Variants in RDH8 observed in about 807,000 individuals in gnomAD.
The protein encoded by RDH8 is photoreceptor outer segment all-trans retinol dehydrogenase.
Under a neutral mutation model 22.3 loss-of-function variants are expected in RDH8, and 14 were observed. The observed-to-expected ratio is 0.63, with a 90% CI of 0.42 to 0.98. The LOEUF (loss-of-function observed/expected upper bound fraction) is 0.98. Ranked by LOEUF, RDH8 falls within the 50% of genes least tolerant of loss-of-function variation. RDH8 has a pLI of 0.00. For missense variants in RDH8, 389 were observed against 409.8 expected (o/e 0.95, Z 0.44); for synonymous variants, 175 against 171.7 (o/e 1.02, Z -0.15).
rs1382784830 is a variant in RDH8, at chr19:10,021,835, T to C, written c.*86T>C. 5.1e-6 allele frequency: 7 copies of C among 1,364,408 alleles called. No homozygotes were observed. The South Asian group carries it at 7.8e-5, about 15-fold the overall frequency. 84.5% of individuals were successfully genotyped at this position (1,364,408 alleles called of 1,614,324 possible). A position where few individuals can be genotyped will look rare whatever the true frequency, so the allele number is the denominator to read the frequency against. On this transcript the variant is annotated 3_prime_UTR_variant, in exon 6 of 6. Transcript: ENST00000591589. ...ATTCAAAGGATGAACAGACTCTTCATTTATTCATTCTGCAAACTCCCCCTC... is the reference window on the plus strand; with the variant it reads ...ATTCAAAGGATGAACAGACTCTTCACTTATTCATTCTGCAAACTCCCCCTC...
intron 1 of RDH8, among the ~76,000 whole-genome samples, chr19:10,015,753 A>G (rs1200069207): frequency 1.3e-5 from 2 of 151,388 alleles, no homozygotes; most frequent in Non-Finnish European, 2.9e-5. Flanking sequence ...GACCAGGCTG[A>G]CCAATATGGT....
At chr19:10,018,554 C>G (rs750297199) in intron 2 of RDH8, among the ~76,000 whole-genome samples, 177 bp from the exon 3 acceptor site, 2 of 152,156 alleles carry the variant, frequency 1.3e-5, no homozygotes, top group Non-Finnish European at 1.5e-5. Context: ...CTGAGGATCC[C>G]CTATGACAAA....
At chr19:10,015,216 C>T (rs2087601824) in intron 1 of RDH8, among the ~76,000 whole-genome samples, 1 of 151,878 alleles carries the variant, frequency 6.6e-6, no homozygotes, top group South Asian at 2.1e-4. Context: ...CTTTGGGAGG[C>T]CTAGGTGGAC....
intron 1 of RDH8, among the ~76,000 whole-genome samples, chr19:10,016,793 T>C (rs1171492372): frequency 2.0e-5 from 3 of 152,174 alleles, no homozygotes; most frequent in Admixed American, 6.5e-5. Context: ...TTTCATGCCA[T>C]AGCCTCAGCA....
intron 3 of RDH8, among the ~76,000 whole-genome samples, chr19:10,019,933 G>C (rs1025032250): frequency 2.6e-5 from 4 of 152,132 alleles, no homozygotes; most frequent in Admixed American, 1.3e-4. Context: ...TTGAGGTCAG[G>C]AGTTGGAGAC....
Position 10,018,767 on chromosome 19 carries a change from AG to A in RDH8, c.303del (p.Leu102SerfsTer28). 2.5e-6 allele frequency: 4 copies of A among 1,612,704 alleles called. No individual in the cohort carries two copies. Among genetic ancestry groups the A allele is most frequent in the Non-Finnish European group, 2.5e-6 (3 of 1,179,080 alleles). ...GGAATGGGCCTGGTGGGGCCCCTGG[AG>A]GGGCTCAGCCTTGCTGCCATGCAGA... is the stretch of plus-strand genomic sequence containing the variant. ...NAGMGLVGPL[E>X]GLSLAAMQNV... On this transcript the variant is annotated frameshift_variant, in exon 3 of 6. Transcript: ENST00000591589. LOFTEE classifies it high-confidence loss of function.
chr19:10,022,144 C>G lies in RDH8; in HGVS notation c.*395C>G, dbSNP rs368635677. On this transcript the variant is annotated 3_prime_UTR_variant, in exon 6 of 6. Coordinates refer to ENST00000591589, the MANE Select transcript of RDH8 (RefSeq NM_015725.4). ...CAGGAATGATTCATAGCCCACCCCC[C>G]ACCTCCATGCATACACCAGAGCTCT... 4.1e-5 allele frequency: 9 copies of G among 221,928 alleles called. No homozygotes were observed. The highest frequency in any genetic ancestry group is 2.3e-4 in the East Asian group (2 of 8,554). 13.7% of individuals were successfully genotyped at this position (221,928 alleles called of 1,614,324 possible). A position where few individuals can be genotyped will look rare whatever the true frequency, so the allele number is the denominator to read the frequency against.
At position 10,018,646 on chromosome 19, in the gene RDH8, G is replaced by A. The variant is rs371822623; in HGVS notation, c.263-85G>A. On this transcript the variant is annotated intron_variant, in intron 2 of 5. Transcript: ENST00000591589. ...TGGACTGGCCTTGGACTTGGAGTAC[G>A]GGGTGAGGTGCTTCAGGGAGTGTCT... is the stretch of plus-strand genomic sequence containing the variant. 444 of 1,104,544 alleles carry A rather than the reference G, an allele frequency of 4.0e-4. 2 individuals carry two copies. Among genetic ancestry groups the A allele is most frequent in the Admixed American group, 6.9e-4 (29 of 42,254 alleles). 68.4% of individuals were successfully genotyped at this position (1,104,544 alleles called of 1,614,324 possible).
chr19:10,016,957 ATCTC>A, intron 1 of RDH8, 96 bp from the exon 2 acceptor site: 1 of 1,303,006 alleles, frequency 7.7e-7, no homozygotes, highest in South Asian at 1.8e-5. Context: ...GTGAGTTTCC[ATCTC>A]TCTGTGACTT....
intron 3 of RDH8, 42 bp downstream of exon 3, chr19:10,018,952 T>C: frequency 6.5e-7 from 1 of 1,527,190 alleles, no homozygotes; most frequent in South Asian, 1.2e-5. Context: ...CACCAGTGTC[T>C]GATCCTCCCC....
intron 3 of RDH8, among the ~76,000 whole-genome samples, 193 bp downstream of exon 3, chr19:10,019,103 C>A (rs907518331): frequency 6.6e-6 from 1 of 152,018 alleles, no homozygotes; most frequent in Non-Finnish European, 1.5e-5. Context: ...TTGAGACCAG[C>A]CTGGGCAACA....
At chr19:10,016,607 G>A (rs1281390351) in intron 1 of RDH8, among the ~76,000 whole-genome samples, 1 of 151,832 alleles carries the variant, frequency 6.6e-6, no homozygotes, top group Non-Finnish European at 1.5e-5. Context: ...ACTACAGGTG[G>A]GGGCCACCCA....
rs537497375 is a variant in RDH8, at chr19:10,013,586, A to G, written c.89A>G (p.Lys30Arg). The change falls in exon 1 of 6, where the codon AAG becomes AGG. Residue 30 changes from lysine (K) to arginine (R), a missense_variant. Coordinates refer to ENST00000591589, the MANE Select transcript of RDH8 (RefSeq NM_015725.4). ...ELAVQLAHDPKKRYQVVATMR... is the reference protein window; with the variant it reads ...ELAVQLAHDPRKRYQVVATMR... ...GCAGTGCAACTGGCCCATGACCCCA[A>G]GAAGCGCTACCAGGGTAAGAAGTGC... 15 of 1,613,872 alleles carry G rather than the reference A, an allele frequency of 9.3e-6. No homozygotes were observed. Among genetic ancestry groups the G allele is most frequent in the African/African-American group, 8.0e-5 (6 of 74,898 alleles).
intron 2 of RDH8, 123 bp downstream of exon 2, chr19:10,017,338 G>T: frequency 8.4e-6 from 9 of 1,077,604 alleles, no homozygotes; most frequent in Non-Finnish European, 9.9e-6. Context: ...TGGGCAGAAG[G>T]GGTAGACCAG....
chr19:10,021,901 C>A lies in RDH8; in HGVS notation c.*152C>A, dbSNP rs1428527801. 1 of 826,202 alleles carries A rather than the reference C, an allele frequency of 1.2e-6. No homozygotes were observed. The highest frequency in any genetic ancestry group is 1.9e-6 in the Non-Finnish European group (1 of 537,452). 51.2% of individuals were successfully genotyped at this position (826,202 alleles called of 1,614,324 possible). A position where few individuals can be genotyped will look rare whatever the true frequency, so the allele number is the denominator to read the frequency against. The stretch of plus-strand genomic sequence containing the variant: ...AGACATGGCTAGAATCCCAGAAGGG[C>A]CTTTATTTTCAGGCATAGACTCCTC... On this transcript the variant is annotated 3_prime_UTR_variant, in exon 6 of 6. Coordinates refer to ENST00000591589, the MANE Select transcript of RDH8 (RefSeq NM_015725.4).
At position 10,021,574 on chromosome 19, in the gene RDH8, G is replaced by A. The variant is rs1375636719; in HGVS notation, c.761G>A (p.Arg254His). 6.2e-7 allele frequency: 1 copy of A among 1,614,074 alleles called. No homozygotes were observed. The highest frequency in any genetic ancestry group is 1.6e-4 in the Middle Eastern group (1 of 6,062). Residue 254 changes from arginine (R) to histidine (H), a missense_variant, in exon 6 of 6, where the codon CGC becomes CAC. Coordinates refer to ENST00000591589, the MANE Select transcript of RDH8 (RefSeq NM_015725.4). The stretch of plus-strand genomic sequence containing the variant: ...ATCAGCTCGACTCGACCACCCCTGC[G>A]CCGACAGACCAACATCCGCTACTCG... ...NVISSTRPPL[R>H]RQTNIRYSPL...
rs77833898 is a variant in RDH8, at chr19:10,021,324, G to A, written c.606G>A (p.Met202Ile). The change falls in exon 5 of 6, where the codon ATG (methionine) becomes ATA (isoleucine). Residue 202 changes from methionine (M) to isoleucine (I), a missense_variant. Coordinates refer to ENST00000591589, the MANE Select transcript of RDH8 (RefSeq NM_015725.4). ...GGAAGCTTCTGGCGCAGGTTTCTAT[G>A]GCTGAGTTCCCAGGCACTGACCCTG... ...FEGKLLAQVS[M>I]AEFPGTDPET... is the part of the protein sequence containing the mutation. The A allele has an allele frequency of 0.11, 179,501 of 1,613,842 alleles. 10,652 individuals are homozygous for A. The highest frequency in any genetic ancestry group is 0.16 in the Middle Eastern group (966 of 6,062).
chr19:10,020,630 C>T lies in RDH8; in HGVS notation c.443-79C>T, dbSNP rs150904736. The T allele has an allele frequency of 1.2e-3, 1,066 of 856,706 alleles. 8 individuals are homozygous for T. In the African/African-American group the frequency reaches 0.016, roughly 13 times the overall value. 53.1% of individuals were successfully genotyped at this position (856,706 alleles called of 1,614,324 possible). Reference sequence around the variant, plus strand: ...CCCACATCCTCTTTGCTCTGTCTCCCAAAGACCCCATCACCCTGGAACCCA... The same window carrying T: ...CCCACATCCTCTTTGCTCTGTCTCCTAAAGACCCCATCACCCTGGAACCCA... On this transcript the variant is annotated intron_variant, in intron 3 of 5. Transcript: ENST00000591589.
At chr19:10,015,346 G>A (rs746900420) in intron 1 of RDH8, among the ~76,000 whole-genome samples, 8 of 151,902 alleles carry the variant, frequency 5.3e-5, no homozygotes, top group East Asian at 2.0e-4. Context: ...CCAGCTATTC[G>A]GGAGGCTGAG....
Sources: gnomAD v4.1 joint callset for allele counts (sites outside exome capture counted in the v4.1 genomes callset) on GRCh38, gnomAD v4.1.1 for gene constraint, MANE v1.5 for transcripts, NCBI Gene and HGNC (gene_info 2026-07-23, HGNC 2026-07-21) for gene names.